Variants in KCNIP1 observed in about 807,000 individuals in gnomAD.
The protein encoded by KCNIP1 is A-type potassium channel modulatory protein KCNIP1.
In KCNIP1, 18 loss-of-function variants were observed where a neutral mutation model predicts 33.0. That is an observed-to-expected ratio of 0.55 (90% CI 0.38 to 0.81). The LOEUF (loss-of-function observed/expected upper bound fraction) is 0.81. KCNIP1 is among the 30% of genes least tolerant of loss of function. The probability of loss-of-function intolerance (pLI) is 0.00; values close to 1 mark genes in which losing one functional copy is unlikely to be tolerated. For synonymous variants in KCNIP1, 93 were observed against 98.3 expected (o/e 0.95, Z 0.32); for missense variants, 238 against 271.6 (o/e 0.88, Z 0.87).
intron 1 of KCNIP1, among the ~76,000 whole-genome samples, chr5:170,426,128 C>T (rs978966239): frequency 1.3e-5 from 2 of 152,104 alleles, no homozygotes; most frequent in Non-Finnish European, 1.5e-5. Flanking sequence ...CCTTCTTCCT[C>T]GAACCACTGA....
intron 1 of KCNIP1, among the ~76,000 whole-genome samples, chr5:170,443,414 A>T (rs1756038714): frequency 6.6e-6 from 1 of 152,196 alleles, no homozygotes; most frequent in Non-Finnish European, 1.5e-5. Context: ...AATTCATGGA[A>T]GTGGGAAGAA....
intron 1 of KCNIP1, among the ~76,000 whole-genome samples, chr5:170,393,364 C>T (rs1272493191): frequency 6.6e-6 from 1 of 152,184 alleles, no homozygotes; most frequent in African/African-American, 2.4e-5. Context: ...GCAACTGAGT[C>T]TTGAGCCCCT....
At chr5:170,382,433 G>A (rs1207473844) in intron 1 of KCNIP1, among the ~76,000 whole-genome samples, 1 of 152,040 alleles carries the variant, frequency 6.6e-6, no homozygotes, top group African/African-American at 2.4e-5. Context: ...GTGATCAAAG[G>A]CCTCTGGGAA....
At chr5:170,355,455 C>T (rs1385262422) in intron 1 of KCNIP1, among the ~76,000 whole-genome samples, 1 of 152,156 alleles carries the variant, frequency 6.6e-6, no homozygotes, top group Non-Finnish European at 1.5e-5. Context: ...GGGGCAGCAA[C>T]CCATTGCAGC....
chr5:170,393,264 A>C (rs1383976668), intron 1 of KCNIP1, among the ~76,000 whole-genome samples: 1 of 152,110 alleles, frequency 6.6e-6, no homozygotes. Flanking sequence ...CCCTCTCTGG[A>C]TTATGCACCT....
At position 170,504,187 on chromosome 5, in the gene KCNIP1, A is replaced by G. The variant is rs985291711; in HGVS notation, c.-386A>G. The G allele has an allele frequency of 2.9e-6, 3 of 1,017,800 alleles. No homozygotes were observed. In the African/African-American group the frequency reaches 5.2e-5, roughly 18 times the overall value. 63.0% of individuals were successfully genotyped at this position (1,017,800 alleles called of 1,614,324 possible). ...AGTGTGCGGCAGGAGGGGCGGGCGG[A>G]CGGCGGCTCCCGCACCGCACGCGGC... On this transcript the variant is annotated 5_prime_UTR_variant, in exon 1 of 8. Transcript: ENST00000328939. The surrounding 1 kb of genome is among the most constrained non-coding windows in gnomAD (Gnocchi z 6.0).
intron 1 of KCNIP1, among the ~76,000 whole-genome samples, chr5:170,534,941 T>A (rs1200421501): frequency 1.3e-5 from 2 of 152,098 alleles, no homozygotes; most frequent in Non-Finnish European, 2.9e-5. Context: ...TTGCCTCGGT[T>A]TCCCAGAGTC....
chr5:170,461,607 A>G (rs929824072), intron 1 of KCNIP1, among the ~76,000 whole-genome samples: 4 of 151,994 alleles, frequency 2.6e-5, no homozygotes, highest in Non-Finnish European at 4.4e-5. Context: ...AAAATTAGCC[A>G]GGTGTGGTGG....
intron 1 of KCNIP1, among the ~76,000 whole-genome samples, chr5:170,520,664 G>A (rs1755331696): frequency 6.6e-6 from 1 of 152,174 alleles, no homozygotes; most frequent in Admixed American, 6.5e-5. Flanking sequence ...AAACATTTTG[G>A]TGTTTGCTTT....
At chr5:170,434,954 C>T (rs997085183) in intron 1 of KCNIP1, among the ~76,000 whole-genome samples, 1 of 152,206 alleles carries the variant, frequency 6.6e-6, no homozygotes, top group Admixed American at 6.5e-5. Flanking sequence ...GACTCCATCT[C>T]AATCCATCTA....
chr5:170,642,872 TC>T (rs1306398205), intron 1 of KCNIP1, among the ~76,000 whole-genome samples: 1 of 152,192 alleles, frequency 6.6e-6, no homozygotes, highest in Non-Finnish European at 1.5e-5. Context: ...GATTATTATC[TC>T]CATTTTACAC....
intron 1 of KCNIP1, among the ~76,000 whole-genome samples, chr5:170,406,977 A>G (rs1429588089): frequency 1.3e-5 from 2 of 152,238 alleles, no homozygotes; most frequent in Non-Finnish European, 2.9e-5. Context: ...AGCAGCTTTC[A>G]AGACCAAGAA....
At chr5:170,435,409 C>T (rs1288057843) in intron 1 of KCNIP1, among the ~76,000 whole-genome samples, 2 of 152,232 alleles carry the variant, frequency 1.3e-5, no homozygotes, top group Non-Finnish European at 2.9e-5. Flanking sequence ...TGTTCCAGGG[C>T]AGAGGGCCCC....
intron 1 of KCNIP1, chr5:170,375,872 G>T (rs1410985809): frequency 6.6e-6 from 1 of 152,204 alleles, no homozygotes; most frequent in Non-Finnish European, 1.5e-5. Flanking sequence ...TGCAAACGAG[G>T]AAACAGGCAC....
intron 1 of KCNIP1, among the ~76,000 whole-genome samples, chr5:170,421,140 G>T (rs745386572): frequency 2.0e-5 from 3 of 152,196 alleles, no homozygotes; most frequent in Non-Finnish European, 4.4e-5. Flanking sequence ...TGTTGCTGAG[G>T]ATGTCCCCAG....
intron 1 of KCNIP1, among the ~76,000 whole-genome samples, chr5:170,433,160 T>G (rs1487090644): frequency 6.6e-6 from 1 of 152,102 alleles, no homozygotes; most frequent in Non-Finnish European, 1.5e-5. Flanking sequence ...AGAACCCAGG[T>G]GCCGATGTTT....
chr5:170,550,010 G>GC (rs1554100243), intron 1 of KCNIP1, among the ~76,000 whole-genome samples: 1 of 152,014 alleles, frequency 6.6e-6, no homozygotes, highest in African/African-American at 2.4e-5. Flanking sequence ...AAAAGATATA[G>GC]TTCTGTCTCA....
At chr5:170,687,275 G>A (rs1762571178) in intron 1 of KCNIP1, among the ~76,000 whole-genome samples, 2 of 151,392 alleles carry the variant, frequency 1.3e-5, no homozygotes, top group Non-Finnish European at 2.9e-5. Context: ...TCCGCCTCCC[G>A]GGTTCAAGCG....
At chr5:170,550,732 C>T (rs1350365867) in intron 1 of KCNIP1, among the ~76,000 whole-genome samples, 1 of 146,990 alleles carries the variant, frequency 6.8e-6, no homozygotes, top group Non-Finnish European at 1.5e-5. Flanking sequence ...AATGACAGTA[C>T]TGATGATGAT....
Sources: allele counts gnomAD v4.1 joint callset (sites outside exome capture counted in the v4.1 genomes callset), GRCh38; gene constraint gnomAD v4.1.1; non-coding constraint Gnocchi (gnomAD v3.1); transcripts MANE v1.5; gene names NCBI Gene and HGNC (gene_info 2026-07-23, HGNC 2026-07-21).